Variants in NALF1 observed in about 807,000 individuals in gnomAD.
NALF1 encodes the protein NALCN channel auxiliary factor 1.
In NALF1, 3 loss-of-function variants were observed where a neutral mutation model predicts 48.4. The ratio of observed to expected loss-of-function variants is 0.06; its 90% CI spans 0.03 to 0.16. The LOEUF is 0.16. Among genes scored for constraint, NALF1 ranks in the 10% least tolerant of loss-of-function variants. The pLI, the probability that NALF1 is intolerant of heterozygous loss-of-function variation, is 1.00. For missense variants in NALF1, 526 were observed against 571.5 expected, an observed-to-expected ratio of 0.92 and a Z score of 0.81; for synonymous variants, 262 against 245.7, an observed-to-expected ratio of 1.07 and a Z score of -0.62.
intron 1 of NALF1, among the ~76,000 whole-genome samples, chr13:107,446,566 A>G (rs1211803412): frequency 1.3e-5 from 2 of 152,168 alleles, no homozygotes; most frequent in African/African-American, 4.8e-5. Context: ...GCAGCATAGA[A>G]TATTTTTGTG....
chr13:107,448,238 TCCACCTGTGCCCAG>T (rs1463390479), intron 1 of NALF1, among the ~76,000 whole-genome samples: 2 of 152,132 alleles, frequency 1.3e-5, no homozygotes, highest in Non-Finnish European at 2.9e-5. Flanking sequence ...CACATTTCTG[TCCACCTGTGCCCAG>T]CCACTGTGTG....
intron 1 of NALF1, among the ~76,000 whole-genome samples, chr13:107,861,507 A>C (rs952252643): frequency 6.6e-6 from 1 of 152,238 alleles, no homozygotes; most frequent in Admixed American, 6.5e-5. Flanking sequence ...TTTCTTGGCC[A>C]GGCGCTGTGG....
intron 1 of NALF1, among the ~76,000 whole-genome samples, chr13:107,404,422 A>G (rs974583537): frequency 6.6e-5 from 10 of 152,118 alleles, no homozygotes; most frequent in African/African-American, 2.2e-4. Context: ...GAAAAAAAAT[A>G]TATCTTAACA....
chr13:107,840,815 T>G (rs1284345616), intron 1 of NALF1, among the ~76,000 whole-genome samples: 1 of 152,038 alleles, frequency 6.6e-6, no homozygotes, highest in Non-Finnish European at 1.5e-5. Context: ...GTCTTTCTAG[T>G]CTCTGGGTTT....
intron 1 of NALF1, among the ~76,000 whole-genome samples, chr13:107,310,436 C>T (rs1882023131): frequency 6.6e-6 from 1 of 151,436 alleles, no homozygotes; most frequent in African/African-American, 2.4e-5. Context: ...GTAATTTCTC[C>T]TAAAACATTG....
intron 1 of NALF1, among the ~76,000 whole-genome samples, chr13:107,286,741 C>A (rs1881502339): frequency 6.6e-6 from 1 of 152,096 alleles, no homozygotes; most frequent in East Asian, 1.9e-4. Context: ...ATGGATGAAA[C>A]TTTGACAAAC....
chr13:107,701,524 A>G (rs1321929185), intron 1 of NALF1, among the ~76,000 whole-genome samples: 1 of 152,138 alleles, frequency 6.6e-6, no homozygotes, highest in African/African-American at 2.4e-5. Flanking sequence ...GGAGGAAATG[A>G]GATACACGTG....
chr13:107,778,573 T>C (rs909400132), intron 1 of NALF1, among the ~76,000 whole-genome samples: 1 of 152,218 alleles, frequency 6.6e-6, no homozygotes, highest in East Asian at 1.9e-4. Context: ...AGGCTAGGAT[T>C]AAAACAGGAG....
chr13:107,739,096 G>A (rs1456812661), intron 1 of NALF1, among the ~76,000 whole-genome samples: 1 of 152,078 alleles, frequency 6.6e-6, no homozygotes, highest in Non-Finnish European at 1.5e-5. Flanking sequence ...ACTCATAAGT[G>A]GGAGTTGAAC....
At chr13:107,557,140 G>T (rs1223677608) in intron 1 of NALF1, among the ~76,000 whole-genome samples, 1 of 151,882 alleles carries the variant, frequency 6.6e-6, no homozygotes, top group African/African-American at 2.4e-5. Flanking sequence ...CCAGAGCCTA[G>T]CTTCTTGAAA....
chr13:107,826,790 G>A (rs775826815), intron 1 of NALF1, among the ~76,000 whole-genome samples: 3 of 152,208 alleles, frequency 2.0e-5, no homozygotes, highest in Non-Finnish European at 2.9e-5. Flanking sequence ...TTGTTTACAT[G>A]ACCTTGGGGA....
chr13:107,296,044 C>T (rs1021808425), intron 1 of NALF1, among the ~76,000 whole-genome samples: 23 of 152,152 alleles, frequency 1.5e-4, no homozygotes, highest in African/African-American at 5.3e-4. Flanking sequence ...ACATTGAAAA[C>T]ATTTTTAAAA....
intron 1 of NALF1, among the ~76,000 whole-genome samples, chr13:107,480,677 G>A (rs938167056): frequency 1.3e-5 from 2 of 152,176 alleles, no homozygotes; most frequent in Non-Finnish European, 2.9e-5. Flanking sequence ...GATACATGCG[G>A]CCCACGGGCC....
rs576776312 is a variant in NALF1 at position 107,499,076 on chromosome 13, AC to A, written c.916-288322del. On this transcript the variant is annotated intron_variant, in intron 1 of 2. Transcript: ENST00000375915. ...ACAATTATACTTCACCAATAAAAAA[AC>A]GATCAACACACTCAGAAGCAAAACT... Among the ~76,000 whole-genome samples the A allele has an allele frequency of 1.8e-4, 28 of 152,244 alleles. No homozygotes were observed. In the South Asian group the frequency reaches 3.3e-3, roughly 18 times the overall value.
chr13:107,544,008 G>C (rs1258111570), intron 1 of NALF1, among the ~76,000 whole-genome samples: 1 of 151,930 alleles, frequency 6.6e-6, no homozygotes, highest in East Asian at 1.9e-4. Flanking sequence ...TGTGGAGTAG[G>C]GGTGATGTTT....
intron 1 of NALF1, among the ~76,000 whole-genome samples, chr13:107,270,804 T>C (rs1260999777): frequency 7.0e-6 from 1 of 143,548 alleles, no homozygotes; most frequent in Non-Finnish European, 1.5e-5. Context: ...CCTAATGCTA[T>C]CCCTCCCCCC....
At chr13:107,381,204 GTTT>G (rs556942495) in intron 1 of NALF1, among the ~76,000 whole-genome samples, 1 of 139,178 alleles carries the variant, frequency 7.2e-6, no homozygotes, top group Non-Finnish European at 1.6e-5. Context: ...AAAAAATAGA[GTTT>G]TTTTTTTTTT....
intron 1 of NALF1, among the ~76,000 whole-genome samples, chr13:107,297,622 G>A (rs1050976099): frequency 6.6e-6 from 1 of 152,162 alleles, no homozygotes; most frequent in Non-Finnish European, 1.5e-5. Context: ...TTTGGAGAAA[G>A]ACAATGACTG....
intron 1 of NALF1, among the ~76,000 whole-genome samples, chr13:107,288,033 T>C (rs970668864): frequency 1.3e-5 from 2 of 151,848 alleles, no homozygotes; most frequent in Non-Finnish European, 2.9e-5. Flanking sequence ...CACTGTGATA[T>C]ACAGATAATT....
Sources: gnomAD v4.1 joint callset for allele counts (sites outside exome capture counted in the v4.1 genomes callset) on GRCh38, gnomAD v4.1.1 for gene constraint, MANE v1.5 for transcripts, NCBI Gene and HGNC (gene_info 2026-07-23, HGNC 2026-07-21) for gene names.